The following SHTN1 variants were observed in gnomAD, a reference collection of about 807,000 sequenced individuals.
SHTN1 encodes shootin 1.
Under a neutral mutation model 83.1 loss-of-function variants are expected in SHTN1, and 42 were observed. That is an observed-to-expected ratio of 0.51 (90% CI 0.39 to 0.65). The LOEUF (loss-of-function observed/expected upper bound fraction) is 0.65. Among genes scored for constraint, SHTN1 ranks in the 30% least tolerant of loss-of-function variants. SHTN1 has a pLI of 0.00. For synonymous variants in SHTN1, 224 were observed against 247.7 expected, an observed-to-expected ratio of 0.90 and a Z score of 0.90; for missense variants, 622 against 737.8, an observed-to-expected ratio of 0.84 and a Z score of 1.82.
At position 117,060,682 on chromosome 10, in the gene SHTN1, G is replaced by A. The variant is rs553299814; in HGVS notation, c.-188-12172C>T. On this transcript the variant is annotated intron_variant, in intron 1 of 17. Transcript: ENST00000392901. ...ACAATACACAAGAACTTCACCTTGA[G>A]TAGATAACATGGAATACAAAAGGAA... Among the ~76,000 whole-genome samples the A allele has an allele frequency of 7.5e-4, 114 of 152,290 alleles. 2 individuals are homozygous for A. In the South Asian group the frequency reaches 0.022, roughly 30 times the overall value.
chr10:117,099,009 TACACACACAC>T (rs371738555), intron 1 of SHTN1, among the ~76,000 whole-genome samples: 110 of 141,128 alleles, frequency 7.8e-4, no homozygotes, highest in African/African-American at 2.0e-3. Flanking sequence ...GTGGTATGTA[TACACACACAC>T]ACACACACAC....
chr10:117,001,520 G>A (rs1368333158), intron 1 of SHTN1, among the ~76,000 whole-genome samples: 1 of 152,134 alleles, frequency 6.6e-6, no homozygotes, highest in African/African-American at 2.4e-5. Context: ...TTGTGGTTTA[G>A]AGTAGACAGG....
intron 1 of SHTN1, among the ~76,000 whole-genome samples, chr10:117,114,920 G>C (rs1853823442): frequency 6.6e-6 from 1 of 152,184 alleles, no homozygotes; most frequent in Admixed American, 6.5e-5. Flanking sequence ...CCTGGGGTCA[G>C]GAGGACCGGG....
chr10:116,912,396 C>A (rs1327671142), intron 13 of SHTN1, among the ~76,000 whole-genome samples: 3 of 152,322 alleles, frequency 2.0e-5, no homozygotes, highest in Non-Finnish European at 4.4e-5. Context: ...AAGAACCTGG[C>A]TACAGGAGAA....
chr10:116,907,104 C>T (rs1847999133), intron 14 of SHTN1, among the ~76,000 whole-genome samples: 1 of 152,146 alleles, frequency 6.6e-6, no homozygotes, highest in Non-Finnish European at 1.5e-5. Flanking sequence ...ATATATTAAA[C>T]TCACCTTAGA....
At chr10:116,999,525 A>G (rs1444659305) in intron 1 of SHTN1, among the ~76,000 whole-genome samples, 2 of 152,226 alleles carry the variant, frequency 1.3e-5, no homozygotes, top group African/African-American at 4.8e-5. Context: ...TGAAATAAAG[A>G]TTGAGAAACA....
chr10:117,079,071 C>T (rs1853212411), intron 1 of SHTN1, among the ~76,000 whole-genome samples: 2 of 151,616 alleles, frequency 1.3e-5, no homozygotes, highest in African/African-American at 2.4e-5. Flanking sequence ...TTTTAGGGTA[C>T]ATGTGCACAT....
intron 4 of SHTN1, among the ~76,000 whole-genome samples, chr10:116,957,758 G>A (rs1850034966): frequency 6.6e-6 from 1 of 152,058 alleles, no homozygotes; most frequent in Non-Finnish European, 1.5e-5. Context: ...ATCCATACTT[G>A]CTTCTAAGAA....
intron 11 of SHTN1, 113 bp from the exon 12 acceptor site, chr10:116,921,629 A>G (rs1848570880): frequency 1.5e-6 from 1 of 651,076 alleles, no homozygotes; most frequent in African/African-American, 1.8e-5. Flanking sequence ...GAATCTAAGT[A>G]GTCTACGTTC....
In SHTN1 at chr10:116,886,433, G is replaced by T; in HGVS notation, c.1807C>A (p.Gln603Lys). Residue 603 changes from glutamine to lysine, a missense_variant, in exon 17 of 17, where the codon CAA becomes AAA. Around this residue, in one of 3 missense-constraint regions of SHTN1, gnomAD observed 231 missense variants for 251.6 expected, o/e 0.92. Coordinates refer to ENST00000355371, the MANE Select transcript of SHTN1 (RefSeq NM_001127211.3). ...ATTTCGCCTTCATCCTCCTTGTGTT[G>T]AGTTGGATCTTTTTCAGCAACCTGG... ...KDQVAEKDPTQHKEDEGEIQP... is the reference protein window; with the variant it reads ...KDQVAEKDPTKHKEDEGEIQP... The T allele has an allele frequency of 5.6e-6, 9 of 1,610,152 alleles. No individual in the cohort carries two copies. Among genetic ancestry groups the T allele is most frequent in the Non-Finnish European group, 7.6e-6 (9 of 1,177,730 alleles).
intron 1 of SHTN1, among the ~76,000 whole-genome samples, chr10:117,089,175 T>C (rs1853392689): frequency 6.6e-6 from 1 of 152,182 alleles, no homozygotes; most frequent in African/African-American, 2.4e-5. Flanking sequence ...AAGAACTGAC[T>C]AAAATGGGCA....
chr10:117,079,162 T>A (rs1853215384), intron 1 of SHTN1, among the ~76,000 whole-genome samples: 1 of 148,908 alleles, frequency 6.7e-6, no homozygotes, highest in Non-Finnish European at 1.5e-5. Context: ...ATCAGGTATA[T>A]CTCCCAATGC....
At chr10:116,964,169 T>C (rs1305829174) in intron 3 of SHTN1, among the ~76,000 whole-genome samples, 2 of 152,180 alleles carry the variant, frequency 1.3e-5, no homozygotes, top group Non-Finnish European at 2.9e-5. Context: ...TTCTCTGTAG[T>C]ATAGAATTGC....
intron 1 of SHTN1, among the ~76,000 whole-genome samples, chr10:117,089,443 T>C (rs781419620): frequency 3.3e-5 from 5 of 152,112 alleles, no homozygotes; most frequent in Non-Finnish European, 5.9e-5. Context: ...AAAAATTAAC[T>C]CAAAATGGAT....
chr10:117,033,250 T>C (rs929413656), intron 2 of SHTN1, among the ~76,000 whole-genome samples: 1 of 151,312 alleles, frequency 6.6e-6, no homozygotes, highest in East Asian at 1.9e-4. Context: ...AAACAAAAAG[T>C]TTTTTTTTAA....
intron 1 of SHTN1, among the ~76,000 whole-genome samples, chr10:117,055,314 C>A (rs1052993517): frequency 6.6e-6 from 1 of 152,168 alleles, no homozygotes; most frequent in Non-Finnish European, 1.5e-5. Context: ...ACCTTGGTAT[C>A]CCTTACTCAA....
chr10:116,976,496 T>G (rs1402324256), intron 2 of SHTN1, among the ~76,000 whole-genome samples: 1 of 152,232 alleles, frequency 6.6e-6, no homozygotes, highest in East Asian at 1.9e-4. Context: ...AAAAGGAGTC[T>G]TACTTTAATT....
intron 1 of SHTN1, among the ~76,000 whole-genome samples, chr10:117,054,054 T>C (rs1294299838): frequency 2.6e-5 from 4 of 152,126 alleles, no homozygotes; most frequent in African/African-American, 7.2e-5. Context: ...TTCACACAGA[T>C]AGCAGATTAG....
At chr10:117,009,833 G>A (rs1852076551), upstream of SHTN1, among the ~76,000 whole-genome samples, 1 of 152,058 alleles carries the variant, frequency 6.6e-6, no homozygotes. Flanking sequence ...AACCCGGAAG[G>A]CGGAGCTTGC....
Sources: allele counts gnomAD v4.1 joint callset (sites outside exome capture counted in the v4.1 genomes callset), GRCh38; gene constraint gnomAD v4.1.1; regional missense constraint gnomAD v4.1.1; transcripts MANE v1.5; gene names NCBI Gene and HGNC (gene_info 2026-07-23, HGNC 2026-07-21).